CIB4: variants seen among roughly 807,000 people sequenced by gnomAD.
CIB4 encodes the protein calcium and integrin-binding family member 4.
Under a neutral mutation model 25.8 loss-of-function variants are expected in CIB4, and 25 were observed. The ratio of observed to expected loss-of-function variants is 0.97; its 90% CI spans 0.71 to 1.35. The LOEUF (loss-of-function observed/expected upper bound fraction) is 1.35, where lower values mean the gene tolerates loss of function less well. Among genes scored for constraint, CIB4 ranks in the 40% most tolerant of loss-of-function variants. CIB4 has a pLI of 0.00. For synonymous variants in CIB4, 75 were observed against 81.4 expected (o/e 0.92, Z 0.42); for missense variants, 235 against 228.2 (o/e 1.03, Z -0.19).
rs1669315809 is a variant in CIB4 at position 26,626,805 on chromosome 2, CAGGTCTTCTCA to C, written c.186+2594_186+2604del. On this transcript the variant is annotated intron_variant, in intron 3 of 6. Transcript: ENST00000288861. Reference sequence around the variant, plus strand: ...AGGCCTCACCCCACCTGCCCCATCCCAGGTCTTCTCAAGCCTTGCTGCACCCCACCCCTAAC... The same window carrying C: ...AGGCCTCACCCCACCTGCCCCATCCCAGCCTTGCTGCACCCCACCCCTAAC... Among the ~76,000 whole-genome samples the C allele has an allele frequency of 3.9e-5, 6 of 152,144 alleles. No individual in the cohort carries two copies. In the South Asian group the frequency reaches 1.2e-3, roughly 32 times the overall value.
chr2:26,583,949 G>A, intron 4 of CIB4, 51 bp from the exon 5 acceptor site: 1 of 1,230,098 alleles, frequency 8.1e-7, no homozygotes, highest in Non-Finnish European at 1.2e-6. Flanking sequence ...GGCTAAACAG[G>A]AAGAGGACTT....
intron 3 of CIB4, among the ~76,000 whole-genome samples, chr2:26,625,631 C>T (rs1035468878): frequency 1.3e-5 from 2 of 152,220 alleles, no homozygotes; most frequent in African/African-American, 4.8e-5. Flanking sequence ...GGATTACAGG[C>T]GTGAGCCACT....
At chr2:26,622,066 T>C (rs558974338) in intron 3 of CIB4, among the ~76,000 whole-genome samples, 1 of 152,282 alleles carries the variant, frequency 6.6e-6, no homozygotes, top group South Asian at 2.1e-4. Context: ...GTCATAATAA[T>C]ACAAAACATT....
intron 4 of CIB4, among the ~76,000 whole-genome samples, chr2:26,593,386 A>G (rs368562468): frequency 2.7e-5 from 4 of 146,398 alleles, no homozygotes; most frequent in East Asian, 3.9e-4. Context: ...ACACATATAC[A>G]CACACACATA....
At position 26,581,294 on chromosome 2, in the gene CIB4, C is replaced by T; in HGVS notation, c.*69G>A. 7.5e-7 allele frequency: 1 copy of T among 1,325,398 alleles called. No homozygotes were observed. The highest frequency in any genetic ancestry group is 1.1e-6 in the Non-Finnish European group (1 of 917,368). 82.1% of individuals were successfully genotyped at this position (1,325,398 alleles called of 1,614,324 possible). On this transcript the variant is annotated 3_prime_UTR_variant, in exon 7 of 7. Transcript: ENST00000288861. ...AAGTCATACTTCAAACCAGCTCCCT[C>T]CAGTGCTGGAGGGGGTTCGATTCCT...
chr2:26,622,990 AT>A (rs1669234017), intron 3 of CIB4, among the ~76,000 whole-genome samples: 1 of 152,068 alleles, frequency 6.6e-6, no homozygotes. Context: ...CTCAAAAAAA[AT>A]AAATAAGAAT....
chr2:26,593,922 T>C (rs2148195881), intron 4 of CIB4, among the ~76,000 whole-genome samples: 1 of 152,366 alleles, frequency 6.6e-6, no homozygotes, highest in African/African-American at 2.4e-5. Flanking sequence ...TTCTCTTTCA[T>C]AGGCTCTCCC....
chr2:26,636,469 G>A (rs1219639936), intron 2 of CIB4, among the ~76,000 whole-genome samples: 1 of 151,992 alleles, frequency 6.6e-6, no homozygotes. Flanking sequence ...CACCACTCTT[G>A]GAACCCCTGA....
rs1423386697 is a variant in CIB4 at position 26,629,429 on chromosome 2, C to A, written c.167G>T (p.Ser56Ile). The A allele has an allele frequency of 6.3e-7, 1 of 1,579,666 alleles. No individual in the cohort carries two copies. The highest frequency in any genetic ancestry group is 8.6e-7 in the Non-Finnish European group (1 of 1,162,328). ...ACTCACCCGCAGAGCTGGCAGGGAGCTGACCTGGTCCATGGTGAGCGTTGC... is the reference window on the plus strand; with the variant it reads ...ACTCACCCGCAGAGCTGGCAGGGAGATGACCTGGTCCATGGTGAGCGTTGC... Reference protein sequence around the residue: ...KEATLTMDQVSSLPALRVNPF... With the variant: ...KEATLTMDQVISLPALRVNPF... Residue 56 changes from serine to isoleucine, a missense_variant, in exon 3 of 7, where the codon AGC (serine) becomes ATC (isoleucine). Coordinates refer to ENST00000288861, the MANE Select transcript of CIB4 (RefSeq NM_001029881.3).
At chr2:26,597,945 G>A (rs1195506147) in intron 3 of CIB4, among the ~76,000 whole-genome samples, 3 of 151,252 alleles carry the variant, frequency 2.0e-5, no homozygotes, top group Non-Finnish European at 4.4e-5. Flanking sequence ...AGGCCAAGCA[G>A]TGGCCATTAA....
intron 4 of CIB4, among the ~76,000 whole-genome samples, chr2:26,587,730 T>C (rs1294214694): frequency 6.6e-6 from 1 of 152,236 alleles, no homozygotes; most frequent in Non-Finnish European, 1.5e-5. Context: ...TATAGTTATA[T>C]ATATCTTTTA....
chr2:26,599,270 A>G (rs541741594), intron 3 of CIB4, among the ~76,000 whole-genome samples: 40 of 152,244 alleles, frequency 2.6e-4, no homozygotes, highest in African/African-American at 9.2e-4. Context: ...ATCTCCATTT[A>G]TACGTGATGA....
rs193239005 is a variant in CIB4 at position 26,592,856 on chromosome 2, G to A, written c.328+2320C>T. 3.9e-3 allele frequency among the ~76,000 whole-genome samples: 589 copies of A among 152,084 alleles called. 6 individuals are homozygous for A. The highest frequency in any genetic ancestry group is 0.014 in the African/African-American group (564 of 41,486). ...GATTTCCTATCTTTTCATTTGTTAT[G>A]AGCAGTTTTTACATCCTTGGGCATG... is the stretch of plus-strand genomic sequence containing the variant. On this transcript the variant is annotated intron_variant, in intron 4 of 6. Transcript: ENST00000288861.
At chr2:26,589,036 T>TTCTTCTTCCTCTTCC (rs1668517150) in intron 4 of CIB4, among the ~76,000 whole-genome samples, 6 of 43,052 alleles carry the variant, frequency 1.4e-4, no homozygotes, top group African/African-American at 4.9e-4. Context: ...CTTCTTCTTC[T>TTCTTCTTCCTCTTCC]TCTTCTTCTT....
chr2:26,639,040 T>C (rs968114762), intron 2 of CIB4, among the ~76,000 whole-genome samples: 29 of 151,046 alleles, frequency 1.9e-4, no homozygotes, highest in African/African-American at 7.0e-4. Flanking sequence ...AAAAGGAGGA[T>C]AAATGTGTTG....
At chr2:26,609,417 G>T (rs1215687713) in intron 3 of CIB4, among the ~76,000 whole-genome samples, 1 of 152,158 alleles carries the variant, frequency 6.6e-6, no homozygotes, top group African/African-American at 2.4e-5. Context: ...CAGTGGTGCT[G>T]ACCGAAATTC....
chr2:26,606,032 G>C (rs1298357297), intron 3 of CIB4, among the ~76,000 whole-genome samples: 1 of 152,202 alleles, frequency 6.6e-6, no homozygotes, highest in Non-Finnish European at 1.5e-5. Context: ...ACAGGCCAAG[G>C]GCAGGGGGGA....
At chr2:26,640,047 C>T (rs1669606044) in intron 2 of CIB4, among the ~76,000 whole-genome samples, 1 of 151,854 alleles carries the variant, frequency 6.6e-6, no homozygotes, top group African/African-American at 2.4e-5. Flanking sequence ...CTGCTCACCA[C>T]CCCACCCTCA....
In CIB4 at chr2:26,623,743, G is replaced by C. The variant is rs143381313; in HGVS notation, c.186+5667C>G. Reference sequence around the variant, plus strand: ...CAGGAGGAGGGAAGAGGCCAGGGGGGTGAGGTGGCCCCGCCAGTGTGCAGG... The same window carrying C: ...CAGGAGGAGGGAAGAGGCCAGGGGGCTGAGGTGGCCCCGCCAGTGTGCAGG... On this transcript the variant is annotated intron_variant, in intron 3 of 6. Transcript: ENST00000288861. 1.6e-4 allele frequency: 53 copies of C among 321,610 alleles called. No individual in the cohort carries two copies. The East Asian group carries it at 4.2e-3, about 26-fold the overall frequency. 19.9% of individuals were successfully genotyped at this position (321,610 alleles called of 1,614,324 possible). A position where few individuals can be genotyped will look rare whatever the true frequency, so the allele number is the denominator to read the frequency against.
Sources: gnomAD v4.1 joint callset for allele counts (sites outside exome capture counted in the v4.1 genomes callset) on GRCh38, gnomAD v4.1.1 for gene constraint, MANE v1.5 for transcripts, NCBI Gene and HGNC (gene_info 2026-07-23, HGNC 2026-07-21) for gene names.